Variants in ATXN2 observed in about 807,000 individuals in gnomAD.
ATXN2 encodes the protein ataxin-2.
In ATXN2, 37 loss-of-function variants were observed where a neutral mutation model predicts 138.6. The ratio of observed to expected loss-of-function variants is 0.27; its 90% CI spans 0.21 to 0.35. The LOEUF is 0.35. ATXN2 is among the 10% of genes least tolerant of loss of function. ATXN2 has a pLI of 1.00. For synonymous variants in ATXN2, 549 were observed against 543.7 expected (o/e 1.01, Z -0.13); for missense variants, 1,216 against 1,480.3 (o/e 0.82, Z 2.93).
chr12:111,510,076 T>G, intron 12 of ATXN2, 78 bp from the exon 13 acceptor site: 2 of 1,090,754 alleles, frequency 1.8e-6, no homozygotes, highest in Non-Finnish European at 2.6e-6. Flanking sequence ...TAATTTTGAT[T>G]TCCTATGTTT....
intron 14 of ATXN2, among the ~76,000 whole-genome samples, chr12:111,497,817 C>A (rs1878517325): frequency 6.6e-6 from 1 of 151,920 alleles, no homozygotes; most frequent in Admixed American, 6.6e-5. Flanking sequence ...GAGTTCGAGA[C>A]CATCCTGGCT....
rs573079591 is a variant in ATXN2 at position 111,571,855 on chromosome 12, T to C, written c.252-15936A>G. Among the ~76,000 whole-genome samples, 4 of 150,324 alleles carry C rather than the reference T, an allele frequency of 2.7e-5. 1 individual carries two copies. In the South Asian group the frequency reaches 8.5e-4, roughly 32 times the overall value. On this transcript the variant is annotated intron_variant, in intron 1 of 24. Transcript: ENST00000673436. Reference sequence around the variant, plus strand: ...GGCGAAACCCCATCTTTACTAAAAATACAAAAATTAGCTGGGCGTGGCAGC... The same window carrying C: ...GGCGAAACCCCATCTTTACTAAAAACACAAAAATTAGCTGGGCGTGGCAGC...
intron 21 of ATXN2, among the ~76,000 whole-genome samples, chr12:111,460,792 T>A (rs1349737501): frequency 3.3e-5 from 5 of 152,118 alleles, no homozygotes; most frequent in African/African-American, 1.2e-4. Flanking sequence ...AAAGTAAAGA[T>A]GAAATATTTT....
At chr12:111,548,943 G>A (rs1182230035) in intron 5 of ATXN2, among the ~76,000 whole-genome samples, 7 of 151,934 alleles carry the variant, frequency 4.6e-5, no homozygotes, top group East Asian at 1.9e-4. Flanking sequence ...GGCTGGTCTC[G>A]AACTCCTGAC....
chr12:111,551,275 G>A (rs1882103316), intron 5 of ATXN2, among the ~76,000 whole-genome samples: 1 of 147,182 alleles, frequency 6.8e-6, no homozygotes, highest in Non-Finnish European at 1.5e-5. Context: ...CCACCCAGGG[G>A]ACAGAACAAG....
intron 18 of ATXN2, among the ~76,000 whole-genome samples, chr12:111,482,045 A>G (rs1475968848): frequency 6.6e-6 from 1 of 151,960 alleles, no homozygotes; most frequent in Non-Finnish European, 1.5e-5. Context: ...TCATCAACTG[A>G]TGATAGGTAA....
At chr12:111,476,379 T>C (rs1876815368) in intron 18 of ATXN2, among the ~76,000 whole-genome samples, 1 of 151,820 alleles carries the variant, frequency 6.6e-6, no homozygotes, top group Non-Finnish European at 1.5e-5. Context: ...TGCTTAATAG[T>C]GAAAGACAAT....
chr12:111,504,814 AT>A (rs1304751844), intron 14 of ATXN2, among the ~76,000 whole-genome samples: 1 of 152,126 alleles, frequency 6.6e-6, no homozygotes, highest in African/African-American at 2.4e-5. Flanking sequence ...ACCTTTTTTA[AT>A]TTTTTAATAA....
chr12:111,453,073 C>G lies in ATXN2; in HGVS notation c.3440-233G>C. 1 of 1,286,818 alleles carries G rather than the reference C, an allele frequency of 7.8e-7. No homozygotes were observed. Among genetic ancestry groups the G allele is most frequent in the Non-Finnish European group, 9.8e-7 (1 of 1,019,052 alleles). 79.7% of individuals were successfully genotyped at this position (1,286,818 alleles called of 1,614,324 possible). A position where few individuals can be genotyped will look rare whatever the true frequency, so the allele number is the denominator to read the frequency against. On this transcript the variant is annotated intron_variant, in intron 24 of 24. Coordinates refer to ENST00000673436, the MANE Select transcript of ATXN2 (RefSeq NM_001372574.1). The surrounding 1 kb of genome is among the most constrained non-coding windows in gnomAD (Gnocchi z 5.4). ...AGATAAAACTCCCAGAAGACTTGTTCATGGGGTAGAAAAAAAGGCCTTAAC... is the reference window on the plus strand; with the variant it reads ...AGATAAAACTCCCAGAAGACTTGTTGATGGGGTAGAAAAAAAGGCCTTAAC...
chr12:111,509,506 T>A, intron 14 of ATXN2, 43 bp downstream of exon 14: 1 of 1,124,108 alleles, frequency 8.9e-7, no homozygotes, highest in Non-Finnish European at 1.3e-6. Flanking sequence ...TTAGTAATGC[T>A]TATTTTCTAA....
chr12:111,542,827 C>T (rs1881592059), intron 5 of ATXN2, among the ~76,000 whole-genome samples: 3 of 152,088 alleles, frequency 2.0e-5, no homozygotes, highest in Non-Finnish European at 2.9e-5. Context: ...TAGTACCACA[C>T]AGTATTTTTT....
In ATXN2 at chr12:111,453,345, G is replaced by C. The variant is rs1874814396; in HGVS notation, c.3439+332C>G. ...ATAACCCCCCACATGTCAGACTTTTGGGACTCAGGAAGGAAAACACTGCCC... is the reference window on the plus strand; with the variant it reads ...ATAACCCCCCACATGTCAGACTTTTCGGACTCAGGAAGGAAAACACTGCCC... On this transcript the variant is annotated intron_variant, in intron 24 of 24. Transcript: ENST00000673436. The surrounding 1 kb of genome is among the most constrained non-coding windows in gnomAD (Gnocchi z 5.4). The C allele has an allele frequency of 1.8e-6, 2 of 1,097,572 alleles. No homozygotes were observed. The highest frequency in any genetic ancestry group is 7.6e-5 in the South Asian group (2 of 26,368). The allele number at this position is 1,097,572 out of a possible 1,614,324, so 68.0% of individuals were successfully genotyped here.
In ATXN2 at chr12:111,482,189, TA is replaced by T. The variant is rs1335065228; in HGVS notation, c.2524+3075del. On this transcript the variant is annotated intron_variant, in intron 18 of 24. Transcript: ENST00000673436. Reference sequence around the variant, plus strand: ...CAACATGGCAAAGCCCTTTCTCTACTATTTTTTTTTTTTTTTTTTTTTTGAG... The same window carrying T: ...CAACATGGCAAAGCCCTTTCTCTACTTTTTTTTTTTTTTTTTTTTTTTGAG... Among the ~76,000 whole-genome samples, 234 of 122,752 alleles carry T rather than the reference TA, an allele frequency of 1.9e-3. 2 individuals carry two copies. The highest frequency in any genetic ancestry group is 7.8e-3 in the African/African-American group (210 of 27,000). 80.5% of individuals were successfully genotyped at this position (122,752 alleles called of 152,430 possible). A position where few individuals can be genotyped will look rare whatever the true frequency, so the allele number is the denominator to read the frequency against.
chr12:111,490,021 G>A (rs149269851), intron 14 of ATXN2, among the ~76,000 whole-genome samples: 161 of 151,306 alleles, frequency 1.1e-3, no homozygotes, highest in African/African-American at 3.7e-3. Context: ...TGGCCAACAT[G>A]GTGAAACTCC....
Position 111,464,675 on chromosome 12 carries a change from A to G in ATXN2, c.2883T>C (p.Ser961=). The change falls in exon 21 of 25, where the codon TCT becomes TCC. Residue 961 remains serine, a synonymous_variant. Transcript: ENST00000673436. ...AACCCAACTCACTGGCAAAGTAGAA[A>G]GAAGGGCTTGTCTCCTTGTTGTATG... ...KLPYNKETSP[S]FYFAISTGSL... is the part of the protein sequence containing the mutation. 3 of 1,611,270 alleles carry G rather than the reference A, an allele frequency of 1.9e-6. 1 individual carries two copies. Among genetic ancestry groups the G allele is most frequent in the South Asian group, 2.2e-5 (2 of 90,826 alleles).
At chr12:111,458,795 G>GA (rs1566001698) in intron 21 of ATXN2, among the ~76,000 whole-genome samples, 1 of 152,232 alleles carries the variant, frequency 6.6e-6, no homozygotes, top group Admixed American at 6.5e-5. Context: ...CAAGGCTGCC[G>GA]AGTCACCAGC....
rs1368501978 is a variant in ATXN2, at chr12:111,598,585, G to A, written c.251+199C>T. 2 of 983,930 alleles carry A rather than the reference G, an allele frequency of 2.0e-6. No individual in the cohort carries two copies. Among genetic ancestry groups the A allele is most frequent in the South Asian group, 4.7e-5 (1 of 21,246 alleles). 60.9% of individuals were successfully genotyped at this position (983,930 alleles called of 1,614,324 possible). A position where few individuals can be genotyped will look rare whatever the true frequency, so the allele number is the denominator to read the frequency against. ...CGGGGATGCTGCGGGAGGCTGGACA[G>A]GCCTGACAATCCCAGAGGACCCCGG... On this transcript the variant is annotated intron_variant, in intron 1 of 24. Transcript: ENST00000673436. This position sits in a 1 kb window ranked among gnomAD's most constrained non-coding sequence, Gnocchi z 4.5.
chr12:111,480,212 T>A (rs1179961083), intron 18 of ATXN2, among the ~76,000 whole-genome samples: 1 of 152,200 alleles, frequency 6.6e-6, no homozygotes, highest in Admixed American at 6.5e-5. Flanking sequence ...TTGTCAAAAC[T>A]CATTAAAATG....
chr12:111,585,339 C>G (rs973352018), intron 1 of ATXN2, among the ~76,000 whole-genome samples: 1 of 151,414 alleles, frequency 6.6e-6, no homozygotes, highest in Admixed American at 6.6e-5. Flanking sequence ...ATGGCAAAAC[C>G]CCATCTCTAC....
Sources: allele counts gnomAD v4.1 joint callset (sites outside exome capture counted in the v4.1 genomes callset), GRCh38; gene constraint gnomAD v4.1.1; non-coding constraint Gnocchi (gnomAD v3.1); transcripts MANE v1.5; gene names NCBI Gene and HGNC (gene_info 2026-07-23, HGNC 2026-07-21).